Variants in BNC2 observed in about 807,000 individuals in gnomAD.
BNC2 encodes the protein zinc finger protein basonuclin-2.
BNC2 carries 20 observed loss-of-function variants against 76.3 expected under a neutral mutation model. The observed-to-expected ratio is 0.26, with a 90% CI of 0.18 to 0.38. The LOEUF (loss-of-function observed/expected upper bound fraction) is 0.38, where lower values mean the gene tolerates loss of function less well. Ranked by LOEUF, BNC2 falls within the 10% of genes least tolerant of loss-of-function variation. BNC2 has a pLI of 1.00. For missense variants in BNC2, 1,382 were observed against 1,399.8 expected (o/e 0.99, Z 0.20); for synonymous variants, 582 against 514.8 (o/e 1.13, Z -1.77).
chr9:16,704,224 C>T (rs1823594886), intron 3 of BNC2, among the ~76,000 whole-genome samples: 1 of 152,072 alleles, frequency 6.6e-6, no homozygotes, highest in Non-Finnish European at 1.5e-5. Context: ...GTAATGCACA[C>T]GATTACAACT....
At chr9:16,819,951 C>G (rs987483896) in intron 1 of BNC2, among the ~76,000 whole-genome samples, 1 of 151,762 alleles carries the variant, frequency 6.6e-6, no homozygotes, top group Non-Finnish European at 1.5e-5. Flanking sequence ...ATGGTGAAAC[C>G]CCAGCTCTAC....
In BNC2 at chr9:16,449,847, G is replaced by GT. The variant is rs1563789171; in HGVS notation, c.670-12324_670-12323insA. On this transcript the variant is annotated intron_variant, in intron 5 of 6. Coordinates refer to ENST00000380672, the MANE Select transcript of BNC2 (RefSeq NM_017637.6). ...ATAAAAGTTAAAGGTGGGGCGGGGGGGGAGGGTAACTAAAATTGTAATGCC... is the reference window on the plus strand; with the variant it reads ...ATAAAAGTTAAAGGTGGGGCGGGGGGTGGAGGGTAACTAAAATTGTAATGCC... Among the ~76,000 whole-genome samples, 292 of 137,774 alleles carry GT rather than the reference G, an allele frequency of 2.1e-3. 2 individuals are homozygous for GT. Among genetic ancestry groups the GT allele is most frequent in the African/African-American group, 8.9e-3 (284 of 31,750 alleles). The allele number at this position is 137,774 out of a possible 152,430, so 90.4% of individuals were successfully genotyped here. A position where few individuals can be genotyped will look rare whatever the true frequency, so the allele number is the denominator to read the frequency against.
intron 1 of BNC2, among the ~76,000 whole-genome samples, chr9:16,853,737 G>C (rs1229314965): frequency 1.3e-5 from 2 of 151,988 alleles, no homozygotes; most frequent in African/African-American, 4.8e-5. Context: ...ACGTGGTAGT[G>C]CATATCTGTA....
intron 3 of BNC2, among the ~76,000 whole-genome samples, chr9:16,613,116 C>T (rs10118895): frequency 0.87 from 132,932 of 152,140 alleles, 58,981 homozygotes; most frequent in East Asian, 0.98. Context: ...GAAAAATCAA[C>T]TGGATCAAAA....
intron 1 of BNC2, among the ~76,000 whole-genome samples, chr9:16,858,571 G>A (rs11788047): frequency 0.11 from 16,450 of 152,210 alleles, 1,156 homozygotes; most frequent in Non-Finnish European, 0.16. Context: ...CTGGCCAGGC[G>A]CGGTGGCTCA....
At position 16,829,037 on chromosome 9, in the gene BNC2, AGCCG is replaced by A. The variant is rs1586917115; in HGVS notation, c.3+41605_3+41608del. On this transcript the variant is annotated intron_variant, in intron 1 of 6. Transcript: ENST00000380672. ...CAGAGCAGAAGGGAGGCGAGCCAGG[AGCCG>A]GCACGAGGCACCAGGGGACCTGGGG... 2.6e-5 allele frequency among the ~76,000 whole-genome samples: 4 copies of A among 152,194 alleles called. 1 individual carries two copies.
intron 6 of BNC2, chr9:16,421,333 G>GAGAGAGAGAA (rs1291783554): frequency 2.5e-6 from 3 of 1,204,152 alleles, no homozygotes; most frequent in Non-Finnish European, 1.1e-6. Flanking sequence ...ATAAGAGACA[G>GAGAGAGAGAA]AGAGAGAGAA....
At chr9:16,560,909 G>A (rs940395879) in intron 4 of BNC2, among the ~76,000 whole-genome samples, 5 of 152,168 alleles carry the variant, frequency 3.3e-5, no homozygotes, top group Non-Finnish European at 5.9e-5. Context: ...ACCAACCAAC[G>A]CAGGAAAGTT....
At chr9:16,440,528 C>T (rs1295264287) in intron 5 of BNC2, among the ~76,000 whole-genome samples, 1 of 152,208 alleles carries the variant, frequency 6.6e-6, no homozygotes, top group African/African-American at 2.4e-5. Context: ...CCAAGGTAGC[C>T]TGTACCTAAA....
At chr9:16,761,573 G>C (rs1458306266) in intron 1 of BNC2, among the ~76,000 whole-genome samples, 1 of 152,178 alleles carries the variant, frequency 6.6e-6, no homozygotes, top group East Asian at 1.9e-4. Context: ...TGCGGGGAGA[G>C]GGAGTCAGAA....
intron 1 of BNC2, among the ~76,000 whole-genome samples, chr9:16,780,255 AAC>A (rs1554729427): frequency 2.2e-5 from 3 of 135,476 alleles, no homozygotes; most frequent in South Asian, 2.3e-4. Context: ...AAAAAAAAAA[AAC>A]AAAAAAAAAC....
intron 1 of BNC2, among the ~76,000 whole-genome samples, chr9:16,869,541 C>G (rs1819624646): frequency 6.6e-6 from 1 of 152,152 alleles, no homozygotes; most frequent in African/African-American, 2.4e-5. Context: ...AAATGCCAAC[C>G]CGCTATCTCA....
chr9:16,843,633 C>G (rs1818889800), intron 1 of BNC2, among the ~76,000 whole-genome samples: 1 of 152,224 alleles, frequency 6.6e-6, no homozygotes, highest in Non-Finnish European at 1.5e-5. Flanking sequence ...CATGCCCAGC[C>G]TACATATTCT....
At chr9:16,821,430 GA>G (rs900121456) in intron 1 of BNC2, among the ~76,000 whole-genome samples, 9 of 151,416 alleles carry the variant, frequency 5.9e-5, no homozygotes, top group East Asian at 3.9e-4. Flanking sequence ...TATCTACAGA[GA>G]AAAAAAAATT....
At chr9:16,849,352 A>ATTTTTTTTTT (rs35561834) in intron 1 of BNC2, among the ~76,000 whole-genome samples, 4 of 90,084 alleles carry the variant, frequency 4.4e-5, no homozygotes, top group African/African-American at 1.4e-4. Flanking sequence ...CATGCAAAAG[A>ATTTTTTTTTT]TTTTTTTTTT....
At chr9:16,568,830 G>T (rs1033043852) in intron 4 of BNC2, among the ~76,000 whole-genome samples, 5 of 152,082 alleles carry the variant, frequency 3.3e-5, no homozygotes, top group Non-Finnish European at 5.9e-5. Context: ...CTTATGACGT[G>T]AAGTAATATT....
At chr9:16,433,489 C>T (rs551204140) in intron 6 of BNC2, among the ~76,000 whole-genome samples, 3 of 152,236 alleles carry the variant, frequency 2.0e-5, no homozygotes, top group East Asian at 1.9e-4. Context: ...TCATCCTAGA[C>T]GCGGGTCTAA....
chr9:16,514,629 T>G (rs1248062858), intron 5 of BNC2, among the ~76,000 whole-genome samples: 1 of 152,230 alleles, frequency 6.6e-6, no homozygotes. Flanking sequence ...ACAGTTGACA[T>G]GCAAATTTCA....
At chr9:16,586,532 A>G (rs1345411707) in intron 3 of BNC2, among the ~76,000 whole-genome samples, 1 of 152,136 alleles carries the variant, frequency 6.6e-6, no homozygotes, top group Non-Finnish European at 1.5e-5. Flanking sequence ...AGCTTGCTGC[A>G]CTAACTCTCC....
Sources: allele counts gnomAD v4.1 joint callset (sites outside exome capture counted in the v4.1 genomes callset), GRCh38; gene constraint gnomAD v4.1.1; transcripts MANE v1.5; gene names NCBI Gene and HGNC (gene_info 2026-07-23, HGNC 2026-07-21).